PCDH15: variants seen among roughly 807,000 people sequenced by gnomAD.
PCDH15 encodes the protein protocadherin-15.
Under a neutral mutation model 178.5 loss-of-function variants are expected in PCDH15, and 129 were observed. The ratio of observed to expected loss-of-function variants is 0.72; its 90% CI spans 0.63 to 0.84. The LOEUF (loss-of-function observed/expected upper bound fraction) is 0.84, where lower values mean the gene tolerates loss of function less well. Among genes scored for constraint, PCDH15 ranks in the 40% least tolerant of loss-of-function variants. PCDH15 has a pLI of 0.00. For missense variants in PCDH15, 2,230 were observed against 2,099.9 expected, an observed-to-expected ratio of 1.06 and a Z score of -1.21; for synonymous variants, 800 against 732.0, an observed-to-expected ratio of 1.09 and a Z score of -1.50.
At chr10:55,544,073 C>G (rs1445593113) in intron 2 of PCDH15, among the ~76,000 whole-genome samples, 2 of 144,022 alleles carry the variant, frequency 1.4e-5, no homozygotes, top group Non-Finnish European at 3.0e-5. Context: ...ATTCACGGAA[C>G]CAGGTAAGAT....
chr10:54,942,557 TA>T (rs1285711510), intron 2 of PCDH15, among the ~76,000 whole-genome samples: 10 of 152,186 alleles, frequency 6.6e-5, no homozygotes, highest in Admixed American at 3.9e-4. Flanking sequence ...ATAAGCATGT[TA>T]AAGGTAGTAG....
intron 2 of PCDH15, among the ~76,000 whole-genome samples, chr10:55,137,553 G>A (rs1244340531): frequency 6.7e-6 from 1 of 150,326 alleles, no homozygotes; most frequent in Non-Finnish European, 1.5e-5. Context: ...TTTTTTAAGG[G>A]TAAATCACTG....
At chr10:54,643,813 A>T (rs1184743799) in intron 2 of PCDH15, among the ~76,000 whole-genome samples, 2 of 146,970 alleles carry the variant, frequency 1.4e-5, no homozygotes, top group African/African-American at 5.0e-5. Flanking sequence ...ATTTTTTTTA[A>T]AATTTTATTT....
chr10:54,791,596 A>C (rs1951415035), intron 1 of PCDH15, among the ~76,000 whole-genome samples: 1 of 151,938 alleles, frequency 6.6e-6, no homozygotes, highest in South Asian at 2.1e-4. Context: ...CATGTTTAAA[A>C]ATGAGATCTT....
intron 2 of PCDH15, among the ~76,000 whole-genome samples, chr10:55,165,944 TATA>T (rs1157443814): frequency 6.6e-5 from 10 of 152,118 alleles, no homozygotes; most frequent in African/African-American, 2.4e-4. Context: ...TTTAAAACAT[TATA>T]ATACCACTAA....
intron 2 of PCDH15, among the ~76,000 whole-genome samples, chr10:54,656,928 A>C (rs1223136488): frequency 6.6e-6 from 1 of 152,204 alleles, no homozygotes; most frequent in Non-Finnish European, 1.5e-5. Context: ...CCCTTGTGAA[A>C]TTGGTGTAAA....
At chr10:54,455,765 C>A (rs2076778103) in intron 3 of PCDH15, among the ~76,000 whole-genome samples, 1 of 152,106 alleles carries the variant, frequency 6.6e-6, no homozygotes, top group African/African-American at 2.4e-5. Flanking sequence ...AGGCCTGAAG[C>A]CCTAAGAGGG....
chr10:55,459,344 T>C (rs1839622572), intron 2 of PCDH15, among the ~76,000 whole-genome samples: 1 of 151,962 alleles, frequency 6.6e-6, no homozygotes, highest in African/African-American at 2.4e-5. Flanking sequence ...CTTAGCTAAA[T>C]GAACCAGAAA....
intron 8 of PCDH15, among the ~76,000 whole-genome samples, chr10:54,272,423 C>T (rs1186760197): frequency 6.6e-6 from 1 of 151,870 alleles, no homozygotes; most frequent in African/African-American, 2.4e-5. Context: ...AATATTCTGG[C>T]AATTGATGGT....
At chr10:54,894,819 G>A (rs543656185) in intron 3 of PCDH15, among the ~76,000 whole-genome samples, 2 of 152,258 alleles carry the variant, frequency 1.3e-5, no homozygotes, top group South Asian at 2.1e-4. Flanking sequence ...TATATAAGTA[G>A]TGAATGTTAA....
chr10:54,072,545 A>G (rs2135877693), intron 17 of PCDH15, among the ~76,000 whole-genome samples: 1 of 152,312 alleles, frequency 6.6e-6, no homozygotes, highest in Admixed American at 6.5e-5. Flanking sequence ...AGGGAGACAC[A>G]GAAGAGACAT....
chr10:54,248,751 A>G (rs2056219491), intron 8 of PCDH15, among the ~76,000 whole-genome samples: 1 of 152,132 alleles, frequency 6.6e-6, no homozygotes, highest in African/African-American at 2.4e-5. Flanking sequence ...AAGGTGAATT[A>G]TAAAAAATAA....
chr10:54,590,192 G>A (rs1021942145), intron 2 of PCDH15, among the ~76,000 whole-genome samples: 3 of 151,844 alleles, frequency 2.0e-5, no homozygotes, highest in Non-Finnish European at 4.4e-5. Flanking sequence ...ATGTTGTTTT[G>A]CACCCATATG....
chr10:55,265,311 G>GATATATATATATATATATATATATAT lies in PCDH15; in HGVS notation c.-156+54287_-156+54288insATATATATATATATATATATATATAT, dbSNP rs146070132. Among the ~76,000 whole-genome samples the GATATATATATATATATATATATATAT allele has an allele frequency of 6.3e-3, 904 of 143,758 alleles. 17 individuals carry two copies. Among genetic ancestry groups the GATATATATATATATATATATATATAT allele is most frequent in the African/African-American group, 0.023 (860 of 37,072 alleles). 94.3% of individuals were successfully genotyped at this position (143,758 alleles called of 152,430 possible). ...GATAGATATAGAGATGTATCTCTAT[G>GATATATATATATATATATATATATAT]ATATATATATATATATAGACATAGA... On this transcript the variant is annotated intron_variant, in intron 1 of 5. Coordinates refer to the PCDH15 transcript ENST00000458638.
chr10:55,114,204 G>C (rs2132059213), intron 2 of PCDH15, among the ~76,000 whole-genome samples: 1 of 152,234 alleles, frequency 6.6e-6, no homozygotes, highest in South Asian at 2.1e-4. Flanking sequence ...TCCTGCCTTG[G>C]CCTCCCAAAG....
intron 2 of PCDH15, among the ~76,000 whole-genome samples, chr10:55,101,041 G>A (rs1842563979): frequency 6.6e-6 from 1 of 152,022 alleles, no homozygotes; most frequent in Non-Finnish European, 1.5e-5. Flanking sequence ...TCACTTATAT[G>A]TTATTCAGTT....
chr10:54,120,974 A>C (rs1282357631), intron 15 of PCDH15, among the ~76,000 whole-genome samples: 3 of 152,132 alleles, frequency 2.0e-5, no homozygotes, highest in Non-Finnish European at 2.9e-5. Flanking sequence ...CCACCCATGC[A>C]CCACAGAATA....
chr10:55,183,403 T>C (rs1839707168), intron 1 of PCDH15, among the ~76,000 whole-genome samples: 1 of 151,890 alleles, frequency 6.6e-6, no homozygotes, highest in African/African-American at 2.4e-5. Flanking sequence ...TCCTGAAACA[T>C]GTACACAATG....
intron 1 of PCDH15, among the ~76,000 whole-genome samples, chr10:55,173,788 G>A (rs568636508): frequency 1.1e-4 from 17 of 151,766 alleles, no homozygotes; most frequent in African/African-American, 3.4e-4. Context: ...TTTCCTTTGC[G>A]TTTTTTCTTC....
Sources: allele counts gnomAD v4.1 joint callset (sites outside exome capture counted in the v4.1 genomes callset), GRCh38; gene constraint gnomAD v4.1.1; transcripts MANE v1.5; gene names NCBI Gene and HGNC (gene_info 2026-07-23, HGNC 2026-07-21).